CFAP69: variants seen among roughly 807,000 people sequenced by gnomAD.
The protein encoded by CFAP69 is cilia and flagella associated protein 69, also known as cilia- and flagella-associated protein 69.
In CFAP69, 92 loss-of-function variants were observed where a neutral mutation model predicts 123.0. The ratio of observed to expected loss-of-function variants is 0.75; its 90% confidence interval spans 0.63 to 0.89. CFAP69 has a LOEUF of 0.89. Ranked by LOEUF, CFAP69 falls within the 40% of genes least tolerant of loss-of-function variation. The pLI, the probability that CFAP69 is intolerant of heterozygous loss-of-function variation, is 0.00. For missense variants in CFAP69, 1,067 were observed against 1,096.9 expected, an observed-to-expected ratio of 0.97 and a Z score of 0.39; for synonymous variants, 380 against 364.3, an observed-to-expected ratio of 1.04 and a Z score of -0.49.
downstream of CFAP69, among the ~76,000 whole-genome samples, chr7:90,312,101 T>C (rs540093038): frequency 2.0e-5 from 3 of 152,326 alleles, no homozygotes; most frequent in South Asian, 6.2e-4. Context: ...TTAATTATTG[T>C]ACTTAGTATC....
At chr7:90,259,126 G>A (rs77976317) in intron 3 of CFAP69, among the ~76,000 whole-genome samples, 7 of 152,194 alleles carry the variant, frequency 4.6e-5, no homozygotes, top group African/African-American at 9.6e-5. Context: ...CTATCTGTAC[G>A]TAAAAGCCAG....
rs189345367 is a variant in CFAP69, at chr7:90,295,227, C to T, written c.1776-2522C>T. ...CCATTCTTAGCCAAAAGGGACTTTACTGAGAGGGGCCTCTAACTTCCTAAA... is the reference window on the plus strand; with the variant it reads ...CCATTCTTAGCCAAAAGGGACTTTATTGAGAGGGGCCTCTAACTTCCTAAA... On this transcript the variant is annotated intron_variant, in intron 15 of 22. Transcript: ENST00000389297. Among the ~76,000 whole-genome samples the T allele has an allele frequency of 2.6e-5, 4 of 152,328 alleles. No homozygotes were observed. In the East Asian group the frequency reaches 5.8e-4, roughly 22 times the overall value.
chr7:90,245,880 G>A (rs1796262814), intron 1 of CFAP69, among the ~76,000 whole-genome samples: 1 of 152,094 alleles, frequency 6.6e-6, no homozygotes, highest in Admixed American at 6.5e-5. Context: ...ATCATTCTTA[G>A]CAAAATCTTG....
downstream of CFAP69, chr7:90,312,417 A>G (rs895690874): frequency 1.3e-5 from 2 of 152,220 alleles, no homozygotes; most frequent in African/African-American, 4.8e-5. Context: ...CAGATTGATT[A>G]GGACTGTAAT....
intron 17 of CFAP69, chr7:90,302,625 T>A (rs1267713605): frequency 6.6e-6 from 1 of 152,190 alleles, no homozygotes; most frequent in African/African-American, 2.4e-5. Flanking sequence ...GAAGATCAAG[T>A]AGTTGTAGGT....
chr7:90,288,171 G>T, intron 14 of CFAP69, 63 bp from the exon 15 acceptor site: 11 of 1,366,356 alleles, frequency 8.1e-6, no homozygotes, highest in Non-Finnish European at 1.1e-5. Context: ...GACCGATAAA[G>T]TAGGAAAGGG....
chr7:90,252,316 G>A (rs2116585079), intron 1 of CFAP69, among the ~76,000 whole-genome samples: 1 of 152,126 alleles, frequency 6.6e-6, no homozygotes, highest in African/African-American at 2.4e-5. Flanking sequence ...AATTTTTAAT[G>A]GTAACATAAG....
chr7:90,315,298 C>T (rs564467812), downstream of CFAP69, among the ~76,000 whole-genome samples: 6 of 152,198 alleles, frequency 3.9e-5, no homozygotes, highest in South Asian at 4.1e-4. Context: ...TAAAGACACA[C>T]GCACATGAAT....
At chr7:90,258,311 T>C in intron 3 of CFAP69, 148 bp downstream of exon 3, 1 of 637,794 alleles carries the variant, frequency 1.6e-6, no homozygotes, top group South Asian at 2.3e-5. Flanking sequence ...TCATACAGTT[T>C]TGGAGGTTAG....
chr7:90,255,557 C>G (rs1797551070), intron 2 of CFAP69, 75 bp downstream of exon 2: 1 of 1,114,014 alleles, frequency 9.0e-7, no homozygotes, highest in Middle Eastern at 2.1e-4. Flanking sequence ...ACATATATTC[C>G]TTCAAATGTA....
chr7:90,319,930 C>G, the CFAP69 span, among the ~76,000 whole-genome samples: 1 of 152,116 alleles, frequency 6.6e-6, no homozygotes, highest in African/African-American at 2.4e-5. Context: ...ATTACAGTTC[C>G]GGTTTGATTT....
At chr7:90,307,135 T>G in intron 20 of CFAP69, 37 bp downstream of exon 20, 93 of 1,483,120 alleles carry the variant, frequency 6.3e-5, no homozygotes, top group Non-Finnish European at 8.1e-5. Flanking sequence ...AGAATGAAGA[T>G]AGGTTGGTTA....
Position 90,274,102 on chromosome 7 carries a change from C to T in CFAP69, c.976C>T (p.Pro326Ser). ...AATTATAGCTCAAAATCCTGAAGCA[C>T]CAATGATTGTAAGTATGAATCAAAT... ...TTIIAQNPEA[P>S]MIECGFTKDL... The change falls in exon 9 of 23, where the codon CCA (proline) becomes TCA (serine). Residue 326 changes from proline (P) to serine (S), a missense_variant. Coordinates refer to ENST00000389297, the MANE Select transcript of CFAP69 (RefSeq NM_001039706.3). 6.3e-7 allele frequency: 1 copy of T among 1,590,272 alleles called. No homozygotes were observed.
chr7:90,277,620 A>G (rs1788806933), intron 11 of CFAP69, among the ~76,000 whole-genome samples: 1 of 152,192 alleles, frequency 6.6e-6, no homozygotes, highest in African/African-American at 2.4e-5. Context: ...AAATGAAAGA[A>G]GCTTCACATA....
At chr7:90,262,211 G>A (rs181759935) in intron 4 of CFAP69, among the ~76,000 whole-genome samples, 155 bp downstream of exon 4, 7 of 152,262 alleles carry the variant, frequency 4.6e-5, no homozygotes, top group African/African-American at 1.7e-4. Context: ...TGGCATTTCA[G>A]GTAATCAGTT....
At chr7:90,306,822 C>A (rs1793657678) in intron 19 of CFAP69, 79 bp from the exon 20 acceptor site, 1 of 836,576 alleles carries the variant, frequency 1.2e-6, no homozygotes, top group Non-Finnish European at 1.9e-6. Flanking sequence ...AGTGACTAAC[C>A]ATATAAAAAA....
At chr7:90,270,358 G>T (rs1799775456) in intron 6 of CFAP69, 5 of 152,122 alleles carry the variant, frequency 3.3e-5, no homozygotes, top group Admixed American at 3.3e-4. Context: ...ATGGGGAAAA[G>T]CTTACAATAA....
chr7:90,277,861 C>G (rs1176424997), intron 11 of CFAP69, among the ~76,000 whole-genome samples: 1 of 152,076 alleles, frequency 6.6e-6, no homozygotes, highest in Admixed American at 6.5e-5. Flanking sequence ...AATTTCACTT[C>G]TGGCTTATCA....
chr7:90,322,697 C>T, the CFAP69 span: 1 of 151,894 alleles, frequency 6.6e-6, no homozygotes. Flanking sequence ...TTGTAAAATA[C>T]AGAAAAATGT....
Sources: gnomAD v4.1 joint callset for allele counts (sites outside exome capture counted in the v4.1 genomes callset) on GRCh38, gnomAD v4.1.1 for gene constraint, MANE v1.5 for transcripts, NCBI Gene and HGNC (gene_info 2026-07-23, HGNC 2026-07-21) for gene names.